The following CERS6 variants were observed in gnomAD, a reference collection of about 807,000 sequenced individuals.
CERS6 encodes the protein ceramide synthase 6, also known as LAG1 homolog, ceramide synthase 6.
Under a neutral mutation model 56.8 loss-of-function variants are expected in CERS6, and 26 were observed. The observed-to-expected ratio is 0.46, with a 90% CI of 0.34 to 0.63. The LOEUF is 0.63. Ranked by LOEUF, CERS6 falls within the 30% of genes least tolerant of loss-of-function variation. The pLI is 0.01. For synonymous variants in CERS6, 164 were observed against 173.3 expected (o/e 0.95, Z 0.42); for missense variants, 415 against 467.5 (o/e 0.89, Z 1.04).
At chr2:168,582,561 T>C (rs1334790937) in intron 3 of CERS6, among the ~76,000 whole-genome samples, 1 of 152,128 alleles carries the variant, frequency 6.6e-6, no homozygotes, top group Non-Finnish European at 1.5e-5. Flanking sequence ...ATTTAATAAC[T>C]ATCATCTAGT....
At chr2:168,754,592 G>C (rs1684366662) in intron 8 of CERS6, among the ~76,000 whole-genome samples, 1 of 152,150 alleles carries the variant, frequency 6.6e-6, no homozygotes, top group Non-Finnish European at 1.5e-5. Flanking sequence ...GATCCCTGAA[G>C]AGTTAAATAC....
At chr2:168,678,257 A>G (rs1559048746) in intron 4 of CERS6, among the ~76,000 whole-genome samples, 1 of 152,198 alleles carries the variant, frequency 6.6e-6, no homozygotes, top group Non-Finnish European at 1.5e-5. Context: ...GGGACCCTCA[A>G]AAATCTGCAG....
intron 4 of CERS6, among the ~76,000 whole-genome samples, chr2:168,640,693 G>T (rs549142745): frequency 2.5e-4 from 38 of 152,340 alleles, no homozygotes; most frequent in African/African-American, 9.1e-4. Context: ...TAGCAGAGAA[G>T]TTAAGCTTTG....
chr2:168,461,376 A>G (rs536028991), intron 1 of CERS6, among the ~76,000 whole-genome samples: 2 of 149,794 alleles, frequency 1.3e-5, no homozygotes, highest in East Asian at 4.0e-4. Flanking sequence ...GGAGGATCAC[A>G]TGGGCCCAGG....
chr2:168,456,404 C>A lies in CERS6; in HGVS notation c.-45C>A, dbSNP rs1317883820. On this transcript the variant is annotated 5_prime_UTR_variant, in exon 1 of 10. Coordinates refer to ENST00000305747, the MANE Select transcript of CERS6 (RefSeq NM_203463.3). The surrounding 1 kb of genome is among the most constrained non-coding windows in gnomAD (Gnocchi z 4.1). Reference sequence around the variant, plus strand: ...CCCGGGCGCCCTGCGCGGTGGAGAGCTTGGCGGGCTGCGGGTGCCGCAGGA... The same window carrying A: ...CCCGGGCGCCCTGCGCGGTGGAGAGATTGGCGGGCTGCGGGTGCCGCAGGA... The A allele has an allele frequency of 6.5e-7, 1 of 1,528,208 alleles. No individual in the cohort carries two copies. Among genetic ancestry groups the A allele is most frequent in the Non-Finnish European group, 8.8e-7 (1 of 1,130,510 alleles). The allele number at this position is 1,528,208 out of a possible 1,614,324, so 94.7% of individuals were successfully genotyped here.
At chr2:168,621,279 C>G (rs1684464403) in intron 3 of CERS6, among the ~76,000 whole-genome samples, 1 of 152,160 alleles carries the variant, frequency 6.6e-6, no homozygotes, top group South Asian at 2.1e-4. Flanking sequence ...TTTGCCAGTG[C>G]ATGTTCCGAA....
At chr2:168,539,306 G>A (rs1695324300) in intron 1 of CERS6, among the ~76,000 whole-genome samples, 1 of 152,098 alleles carries the variant, frequency 6.6e-6, no homozygotes, top group South Asian at 2.1e-4. Flanking sequence ...ATGATTGATC[G>A]GATCTAAATT....
intron 1 of CERS6, among the ~76,000 whole-genome samples, chr2:168,505,231 A>T (rs767932866): frequency 7.9e-5 from 12 of 151,788 alleles, no homozygotes; most frequent in Non-Finnish European, 1.8e-4. Context: ...TGCAAAAAAA[A>T]ATTAGCTGGG....
chr2:168,727,175 G>A (rs1051047507), intron 8 of CERS6, among the ~76,000 whole-genome samples: 3 of 152,102 alleles, frequency 2.0e-5, no homozygotes, highest in Admixed American at 1.3e-4. Flanking sequence ...TTCTCAGAAT[G>A]TTGCTTTCTG....
intron 1 of CERS6, among the ~76,000 whole-genome samples, chr2:168,477,437 A>G (rs1419422495): frequency 6.6e-6 from 1 of 152,202 alleles, no homozygotes; most frequent in Non-Finnish European, 1.5e-5. Flanking sequence ...TATCTTGAAC[A>G]TCTTTTTATG....
At chr2:168,571,399 C>T (rs1695984055) in intron 3 of CERS6, among the ~76,000 whole-genome samples, 1 of 152,080 alleles carries the variant, frequency 6.6e-6, no homozygotes, top group African/African-American at 2.4e-5. Context: ...CACATGGCTC[C>T]TGATATTCGA....
Position 168,769,915 on chromosome 2 carries a change from TATTTA to T in CERS6, c.*254_*258del. 2.4e-6 allele frequency: 1 copy of T among 414,666 alleles called. No individual in the cohort carries two copies. 25.7% of individuals were successfully genotyped at this position (414,666 alleles called of 1,614,324 possible). Reference sequence around the variant, plus strand: ...TTGCATTTGTACTGTCTTAGAATATTATTTATTTTTTTGTATTTGTAAATCTGTGG... The same window carrying T: ...TTGCATTTGTACTGTCTTAGAATATTTTTTTTTGTATTTGTAAATCTGTGG... On this transcript the variant is annotated 3_prime_UTR_variant, in exon 10 of 10. Coordinates refer to ENST00000305747, the MANE Select transcript of CERS6 (RefSeq NM_203463.3).
intron 7 of CERS6, among the ~76,000 whole-genome samples, chr2:168,717,253 C>G (rs1197721219): frequency 6.6e-6 from 1 of 152,176 alleles, no homozygotes; most frequent in Non-Finnish European, 1.5e-5. Context: ...TTTGAAAATT[C>G]TACCTAAATG....
intron 4 of CERS6, among the ~76,000 whole-genome samples, chr2:168,638,816 C>T (rs144409025): frequency 3.3e-5 from 5 of 152,246 alleles, no homozygotes; most frequent in African/African-American, 1.2e-4. Context: ...TTTCTTCAGG[C>T]TGTGAGGTAT....
At chr2:168,580,173 G>A (rs1243417619) in intron 3 of CERS6, among the ~76,000 whole-genome samples, 1 of 151,892 alleles carries the variant, frequency 6.6e-6, no homozygotes, top group African/African-American at 2.4e-5. Flanking sequence ...GTTTTATTCA[G>A]TCCGGACACA....
intron 1 of CERS6, among the ~76,000 whole-genome samples, chr2:168,521,256 A>C (rs535280397): frequency 6.6e-6 from 1 of 152,232 alleles, no homozygotes; most frequent in African/African-American, 2.4e-5. Flanking sequence ...TATGTTCTGT[A>C]AGTGAAACGT....
chr2:168,492,887 A>G (rs1408157149), intron 1 of CERS6, among the ~76,000 whole-genome samples: 1 of 152,182 alleles, frequency 6.6e-6, no homozygotes, highest in Non-Finnish European at 1.5e-5. Context: ...ATGACTCTAA[A>G]TGTAATTTTG....
At chr2:168,669,745 CAA>C (rs1047657910) in intron 4 of CERS6, among the ~76,000 whole-genome samples, 1 of 152,170 alleles carries the variant, frequency 6.6e-6, no homozygotes, top group Non-Finnish European at 1.5e-5. Flanking sequence ...CCGGGAATAA[CAA>C]CCACTGCATA....
At chr2:168,594,800 G>A (rs745541174) in intron 3 of CERS6, among the ~76,000 whole-genome samples, 3 of 152,042 alleles carry the variant, frequency 2.0e-5, no homozygotes, top group East Asian at 1.9e-4. Context: ...AACTAATAAT[G>A]AGCACTGCTA....
Sources: allele counts gnomAD v4.1 joint callset (sites outside exome capture counted in the v4.1 genomes callset), GRCh38; gene constraint gnomAD v4.1.1; non-coding constraint Gnocchi (gnomAD v3.1); transcripts MANE v1.5; gene names NCBI Gene and HGNC (gene_info 2026-07-23, HGNC 2026-07-21).